The following PALS2 variants were observed in gnomAD, a reference collection of about 807,000 sequenced individuals.
PALS2 encodes protein PALS2.
In PALS2, 27 loss-of-function variants were observed where a neutral mutation model predicts 61.6. The observed-to-expected ratio is 0.44, with a 90% CI of 0.32 to 0.60. PALS2 has a LOEUF of 0.60. Among genes scored for constraint, PALS2 ranks in the 20% least tolerant of loss-of-function variants. The probability of loss-of-function intolerance (pLI) is 0.05; values close to 1 mark genes in which losing one functional copy is unlikely to be tolerated. For synonymous variants in PALS2, 236 were observed against 218.6 expected (o/e 1.08, Z -0.70); for missense variants, 554 against 639.4 (o/e 0.87, Z 1.44).
chr7:24,598,295 TA>T lies in PALS2; in HGVS notation c.-3+24703del, dbSNP rs1214305961. On this transcript the variant is annotated intron_variant, in intron 1 of 11. Coordinates refer to ENST00000222644, the MANE Select transcript of PALS2 (RefSeq NM_001303037.2). ...TAACTTAAATTTATGAAGGACAAGT[TA>T]TTGTCTTTTTAGTTCATATTTTTAG... 2.0e-5 allele frequency among the ~76,000 whole-genome samples: 3 copies of T among 152,160 alleles called. No homozygotes were observed. The East Asian group carries it at 5.8e-4, about 29-fold the overall frequency.
chr7:24,586,207 AATTTTATTTAGCCATAT>A (rs1334115912), intron 1 of PALS2, among the ~76,000 whole-genome samples: 10 of 152,066 alleles, frequency 6.6e-5, no homozygotes, highest in African/African-American at 1.2e-4. Context: ...AGCCATATTT[AATTTTATTTAGCCATAT>A]ATTTTATTTA....
Position 24,687,835 on chromosome 7 carries a change from G to T in PALS2, c.*221G>T. The stretch of plus-strand genomic sequence containing the variant: ...TATCTTAATTTTTCTAACTTTGTAT[G>T]GATAATCTTTCTATTCATATCACAT... On this transcript the variant is annotated 3_prime_UTR_variant, in exon 12 of 12. Transcript: ENST00000222644. This position sits in a 1 kb window ranked among gnomAD's most constrained non-coding sequence, Gnocchi z 4.5. 2.7e-6 allele frequency: 1 copy of T among 373,994 alleles called. No individual in the cohort carries two copies. Among genetic ancestry groups the T allele is most frequent in the Non-Finnish European group, 4.6e-6 (1 of 215,590 alleles). The allele number at this position is 373,994 out of a possible 1,614,324, so 23.2% of individuals were successfully genotyped here. A position where few individuals can be genotyped will look rare whatever the true frequency, so the allele number is the denominator to read the frequency against.
At chr7:24,586,669 T>C (rs571023581) in intron 1 of PALS2, among the ~76,000 whole-genome samples, 7 of 152,338 alleles carry the variant, frequency 4.6e-5, no homozygotes, top group African/African-American at 1.2e-4. Context: ...TAGAAAATCA[T>C]GTTTTTCTAA....
intron 1 of PALS2, among the ~76,000 whole-genome samples, chr7:24,589,758 G>T (rs1248332702): frequency 6.6e-6 from 1 of 152,138 alleles, no homozygotes; most frequent in Non-Finnish European, 1.5e-5. Flanking sequence ...GTTAAAATCA[G>T]CATGGAAGAA....
At position 24,605,674 on chromosome 7, in the gene PALS2, C is replaced by G. The variant is rs544019783; in HGVS notation, c.-2-17992C>G. ...AAACAAAGTATAACATGCATTACCC[C>G]TAGGGAAAGAGCAGAGATGGAAAGC... On this transcript the variant is annotated intron_variant, in intron 1 of 11. Coordinates refer to ENST00000222644, the MANE Select transcript of PALS2 (RefSeq NM_001303037.2). 2.0e-5 allele frequency among the ~76,000 whole-genome samples: 3 copies of G among 152,100 alleles called. No individual in the cohort carries two copies. The South Asian group carries it at 6.2e-4, about 32-fold the overall frequency.
At chr7:24,617,139 ATTCT>A (rs1333287797) in intron 1 of PALS2, among the ~76,000 whole-genome samples, 5 of 152,048 alleles carry the variant, frequency 3.3e-5, no homozygotes, top group Admixed American at 3.3e-4. Flanking sequence ...AAGTTCAGAA[ATTCT>A]TTCTTCTGCC....
chr7:24,601,338 T>C (rs187439144), intron 1 of PALS2, among the ~76,000 whole-genome samples: 2 of 152,316 alleles, frequency 1.3e-5, no homozygotes, highest in African/African-American at 4.8e-5. Flanking sequence ...CATTTTTTTG[T>C]ATATGCCACT....
intron 2 of PALS2, among the ~76,000 whole-genome samples, chr7:24,626,396 A>G (rs6977719): frequency 0.039 from 5,919 of 152,262 alleles, 154 homozygotes; most frequent in Non-Finnish European, 0.058. Flanking sequence ...GGAGAGAGGG[A>G]AGAAGAAATA....
At chr7:24,619,150 T>A (rs1255333783) in intron 1 of PALS2, among the ~76,000 whole-genome samples, 1 of 152,256 alleles carries the variant, frequency 6.6e-6, no homozygotes, top group African/African-American at 2.4e-5. Flanking sequence ...AGTTTACTCA[T>A]ACTTTCCTGC....
At chr7:24,603,451 A>G (rs1440941913) in intron 1 of PALS2, among the ~76,000 whole-genome samples, 1 of 152,216 alleles carries the variant, frequency 6.6e-6, no homozygotes. Flanking sequence ...AAATCCTAGA[A>G]ATGAGAGAGC....
intron 2 of PALS2, among the ~76,000 whole-genome samples, chr7:24,625,828 G>A (rs1282925935): frequency 6.6e-6 from 1 of 151,936 alleles, no homozygotes; most frequent in Non-Finnish European, 1.5e-5. Context: ...TTCTTAATAA[G>A]GAAAAACAAT....
At chr7:24,612,267 G>A (rs1784141700) in intron 1 of PALS2, among the ~76,000 whole-genome samples, 1 of 151,688 alleles carries the variant, frequency 6.6e-6, no homozygotes, top group African/African-American at 2.4e-5. Flanking sequence ...CACCTTTATT[G>A]TATATTGTTT....
chr7:24,608,121 A>G (rs922574372), intron 1 of PALS2, among the ~76,000 whole-genome samples: 1 of 152,106 alleles, frequency 6.6e-6, no homozygotes, highest in Non-Finnish European at 1.5e-5. Context: ...TTATATGTAA[A>G]GGTTTTTTTA....
chr7:24,608,665 A>C (rs1784010952), intron 1 of PALS2, among the ~76,000 whole-genome samples: 1 of 152,190 alleles, frequency 6.6e-6, no homozygotes, highest in South Asian at 2.1e-4. Flanking sequence ...CTAGTAGCAC[A>C]GTCACAGCTC....
chr7:24,672,353 C>T (rs190434520), intron 9 of PALS2, among the ~76,000 whole-genome samples: 311 of 151,612 alleles, frequency 2.1e-3, no homozygotes, highest in Non-Finnish European at 3.7e-3. Flanking sequence ...TCAGCCTCCC[C>T]AGTAGCTGGG....
At chr7:24,595,311 TG>T (rs1261579533) in intron 1 of PALS2, among the ~76,000 whole-genome samples, 2 of 149,826 alleles carry the variant, frequency 1.3e-5, no homozygotes, top group Non-Finnish European at 3.0e-5. Context: ...ATGGTGCCCA[TG>T]GGAGATTTTC....
intron 8 of PALS2, 49 bp from the exon 9 acceptor site, chr7:24,668,450 T>G (rs1387773593): frequency 6.6e-7 from 1 of 1,514,402 alleles, no homozygotes; most frequent in African/African-American, 1.4e-5. Flanking sequence ...GAGATTTCTT[T>G]CATGTATATA....
In PALS2 at chr7:24,691,405, G is replaced by GTGTGTATATATATATA. The variant is rs1274329385; in HGVS notation, c.*3792_*3793insGTGTATATATATATAT. 4 of 110,590 alleles carry GTGTGTATATATATATA rather than the reference G, an allele frequency of 3.6e-5. No homozygotes were observed. The highest frequency in any genetic ancestry group is 2.0e-4 in the Admixed American group (2 of 9,888). 6.9% of individuals were successfully genotyped at this position (110,590 alleles called of 1,614,324 possible). A position where few individuals can be genotyped will look rare whatever the true frequency, so the allele number is the denominator to read the frequency against. ...ATATTATGTATGTGTGTGTGTGTGT[G>GTGTGTATATATATATA]TATATATATATATATATATATATAT... On this transcript the variant is annotated 3_prime_UTR_variant, in exon 12 of 12. Coordinates refer to ENST00000222644, the MANE Select transcript of PALS2 (RefSeq NM_001303037.2).
At chr7:24,665,561 A>C in intron 6 of PALS2, 27 bp from the exon 7 acceptor site, 12 of 1,597,396 alleles carry the variant, frequency 7.5e-6, no homozygotes, top group African/African-American at 1.3e-5. Context: ...GGTCACTGAG[A>C]TGTACAATTC....
Sources: gnomAD v4.1 joint callset for allele counts (sites outside exome capture counted in the v4.1 genomes callset) on GRCh38, gnomAD v4.1.1 for gene constraint, Gnocchi (gnomAD v3.1) non-coding constraint, MANE v1.5 for transcripts, NCBI Gene and HGNC (gene_info 2026-07-23, HGNC 2026-07-21) for gene names.